The following PTH2R variants were observed in gnomAD, a reference collection of about 807,000 sequenced individuals.
The protein encoded by PTH2R is parathyroid hormone 2 receptor.
PTH2R carries 59 observed loss-of-function variants against 60.3 expected under a neutral mutation model. The ratio of observed to expected loss-of-function variants is 0.98; its 90% CI spans 0.79 to 1.22. The LOEUF (loss-of-function observed/expected upper bound fraction) is 1.22. PTH2R is among the 50% of genes most tolerant of loss of function. The pLI is 0.00. For synonymous variants in PTH2R, 256 were observed against 243.8 expected (o/e 1.05, Z -0.47); for missense variants, 749 against 682.6 (o/e 1.10, Z -1.08).
chr2:208,488,634 C>T lies in PTH2R; in HGVS notation c.1077-378C>T, dbSNP rs114394242. Reference sequence around the variant, plus strand: ...CAGAAAGAGGAGGGAAGGGAAAAAACTAGCAGAAGCAGTGGGATCCAAAGA... The same window carrying T: ...CAGAAAGAGGAGGGAAGGGAAAAAATTAGCAGAAGCAGTGGGATCCAAAGA... On this transcript the variant is annotated intron_variant, in intron 10 of 12. Transcript: ENST00000272847. 6.6e-3 allele frequency among the ~76,000 whole-genome samples: 998 copies of T among 152,182 alleles called. 17 individuals carry two copies. Among genetic ancestry groups the T allele is most frequent in the Middle Eastern group, 0.02 (6 of 294 alleles).
chr2:208,448,162 C>T (rs16841221), intron 7 of PTH2R, among the ~76,000 whole-genome samples: 11,688 of 152,080 alleles, frequency 0.077, 493 homozygotes, highest in Non-Finnish European at 0.081. Flanking sequence ...ATATCTTAAT[C>T]CAGCAAACAT....
chr2:208,388,343 T>C (rs1270066730), intron 1 of PTH2R, among the ~76,000 whole-genome samples: 1 of 151,750 alleles, frequency 6.6e-6, no homozygotes, highest in Non-Finnish European at 1.5e-5. Flanking sequence ...AAAAAAAAAC[T>C]TCACGCTTCA....
At chr2:208,423,816 G>C (rs1359913813) in intron 1 of PTH2R, among the ~76,000 whole-genome samples, 1 of 152,110 alleles carries the variant, frequency 6.6e-6, no homozygotes, top group African/African-American at 2.4e-5. Flanking sequence ...TTTCTTGATG[G>C]AGTGACCCTT....
chr2:208,404,451 A>G (rs1235948325), upstream of PTH2R, among the ~76,000 whole-genome samples: 1 of 152,168 alleles, frequency 6.6e-6, no homozygotes, highest in Non-Finnish European at 1.5e-5. Context: ...ATTACTGAGT[A>G]TTTCCATAAT....
At chr2:208,412,502 A>G (rs1701559600) in intron 1 of PTH2R, among the ~76,000 whole-genome samples, 1 of 152,244 alleles carries the variant, frequency 6.6e-6, no homozygotes, top group Non-Finnish European at 1.5e-5. Flanking sequence ...CACTATTTCT[A>G]GAGTGATAAT....
chr2:208,444,679 C>T (rs1342279541), intron 6 of PTH2R, 55 bp from the exon 7 acceptor site: 28 of 1,523,750 alleles, frequency 1.8e-5, no homozygotes, highest in Non-Finnish European at 2.4e-5. Flanking sequence ...CTAATGTTGG[C>T]ATCCAGTACA....
At chr2:208,475,803 C>T (rs551774289) in intron 9 of PTH2R, among the ~76,000 whole-genome samples, 3 of 152,250 alleles carry the variant, frequency 2.0e-5, no homozygotes, top group Non-Finnish European at 2.9e-5. Context: ...CATCATGCCT[C>T]ACATCATCAT....
At chr2:208,384,750 C>T (rs1272629314) in intron 1 of PTH2R, among the ~76,000 whole-genome samples, 1 of 152,148 alleles carries the variant, frequency 6.6e-6, no homozygotes, top group Non-Finnish European at 1.5e-5. Flanking sequence ...CAAGCATTTC[C>T]ACTTCCAGAC....
chr2:208,382,506 G>A (rs1297632308), intron 1 of PTH2R, among the ~76,000 whole-genome samples: 1 of 152,184 alleles, frequency 6.6e-6, no homozygotes, highest in African/African-American at 2.4e-5. Flanking sequence ...GTCCTGGTCT[G>A]TCAGTGTAGG....
At chr2:208,490,750 C>A in intron 12 of PTH2R, 70 bp downstream of exon 12, 4 of 1,401,656 alleles carry the variant, frequency 2.9e-6, no homozygotes, top group Non-Finnish European at 3.9e-6. Flanking sequence ...TATCCTGAAT[C>A]TCTTTAGAAT....
intron 1 of PTH2R, among the ~76,000 whole-genome samples, chr2:208,409,874 C>A: frequency 6.6e-6 from 1 of 152,146 alleles, no homozygotes; most frequent in Non-Finnish European, 1.5e-5. Flanking sequence ...TTAGTGGATC[C>A]TCCTGGTAAC....
chr2:208,377,328 T>A (rs912684032), intron 1 of PTH2R, among the ~76,000 whole-genome samples: 8 of 152,146 alleles, frequency 5.3e-5, no homozygotes, highest in African/African-American at 1.9e-4. Context: ...CCTTTCCCCC[T>A]TTCCTATTCC....
chr2:208,393,437 C>T lies in PTH2R; in HGVS notation c.-259+33200C>T, dbSNP rs182713518. On this transcript the variant is annotated intron_variant, in intron 1 of 12. Coordinates refer to the PTH2R transcript ENST00000617735. ...TTGGCCCTGGTCTTCCATAGGCCTT[C>T]TATATTAGAAAAAGGGCTTCCTTTT... 1.6e-3 allele frequency among the ~76,000 whole-genome samples: 250 copies of T among 152,226 alleles called. 5 individuals are homozygous for T. Among genetic ancestry groups the T allele is most frequent in the Non-Finnish European group, 1.6e-3 (112 of 68,016 alleles).
chr2:208,459,108 C>G (rs1702580291), intron 8 of PTH2R, among the ~76,000 whole-genome samples: 1 of 152,116 alleles, frequency 6.6e-6, no homozygotes, highest in Non-Finnish European at 1.5e-5. Flanking sequence ...CTAACCTCAC[C>G]AGCATCTGTT....
At chr2:208,394,575 A>C (rs1442027621) in intron 1 of PTH2R, among the ~76,000 whole-genome samples, 1 of 152,144 alleles carries the variant, frequency 6.6e-6, no homozygotes, top group African/African-American at 2.4e-5. Flanking sequence ...ACGCTTCCCT[A>C]AGCAGCCTTA....
intron 1 of PTH2R, among the ~76,000 whole-genome samples, chr2:208,379,732 C>T (rs957540245): frequency 4.6e-5 from 7 of 151,810 alleles, no homozygotes; most frequent in South Asian, 2.1e-4. Context: ...TGGTGGTGTG[C>T]GCCTGTAATC....
At chr2:208,432,907 C>T (rs1029986964) in intron 2 of PTH2R, among the ~76,000 whole-genome samples, 1 of 152,140 alleles carries the variant, frequency 6.6e-6, no homozygotes, top group Non-Finnish European at 1.5e-5. Flanking sequence ...AATGAGGGTC[C>T]ACTAACTTTC....
chr2:208,369,366 C>CTTT lies in PTH2R; in HGVS notation c.-259+9130_-259+9131insTTT, dbSNP rs34110985. ...TTGTCTGTAAACAACACTGGTCTCT[C>CTTT]TCTCTTTTTTTTTTTTTTTAGAAGG... On this transcript the variant is annotated intron_variant, in intron 1 of 12. Coordinates refer to the PTH2R transcript ENST00000617735. Among the ~76,000 whole-genome samples the CTTT allele has an allele frequency of 4.0e-3, 538 of 135,032 alleles. 21 individuals carry two copies. Among genetic ancestry groups the CTTT allele is most frequent in the African/African-American group, 0.014 (490 of 34,854 alleles). 88.6% of individuals were successfully genotyped at this position (135,032 alleles called of 152,430 possible).
In PTH2R at chr2:208,406,924, A is replaced by G. The variant is rs1427381277; in HGVS notation, c.-120A>G. ...CTCGGCCGGTGGCCCGGGCCCGACC[A>G]CCCCAGCTGCGCGTCGTTACTGGCC... On this transcript the variant is annotated 5_prime_UTR_variant, in exon 1 of 13. Coordinates refer to ENST00000272847, the MANE Select transcript of PTH2R (RefSeq NM_005048.4). The G allele has an allele frequency of 2.5e-6, 2 of 804,796 alleles. No homozygotes were observed. Among genetic ancestry groups the G allele is most frequent in the East Asian group, 3.0e-5 (1 of 33,296 alleles). 49.9% of individuals were successfully genotyped at this position (804,796 alleles called of 1,614,324 possible).
Sources: gnomAD v4.1 joint callset for allele counts (sites outside exome capture counted in the v4.1 genomes callset) on GRCh38, gnomAD v4.1.1 for gene constraint, MANE v1.5 for transcripts, NCBI Gene and HGNC (gene_info 2026-07-23, HGNC 2026-07-21) for gene names.